Variants in ARHGEF28 observed in about 807,000 individuals in gnomAD.
The protein encoded by ARHGEF28 is 190 kDa guanine nucleotide exchange factor.
Under a neutral mutation model 206.6 loss-of-function variants are expected in ARHGEF28, and 152 were observed. That is an observed-to-expected ratio of 0.74 (90% CI 0.64 to 0.84). ARHGEF28 has a LOEUF of 0.84. Among genes scored for constraint, ARHGEF28 ranks in the 40% least tolerant of loss-of-function variants. ARHGEF28 has a pLI of 0.00. For synonymous variants in ARHGEF28, 763 were observed against 776.4 expected, an observed-to-expected ratio of 0.98 and a Z score of 0.29; for missense variants, 2,028 against 2,073.2, an observed-to-expected ratio of 0.98 and a Z score of 0.42.
rs1266346957 is a variant in ARHGEF28, at chr5:73,776,575, TG to T, written c.720del (p.Leu240PhefsTer10). The T allele has an allele frequency of 6.2e-7, 1 of 1,613,848 alleles. No homozygotes were observed. The highest frequency in any genetic ancestry group is 1.7e-5 in the Admixed American group (1 of 60,004). On this transcript the variant is annotated frameshift_variant, in exon 6 of 36. Coordinates refer to ENST00000513042, the MANE Select transcript of ARHGEF28 (RefSeq NM_001177693.2). LOFTEE classifies it high-confidence loss of function. Reference sequence around the variant, plus strand: ...GTGCAGCTCAGTGAAGAAGCCTCCTTGCATTACATTCACTCATCGGAAACGC... The same window carrying T: ...GTGCAGCTCAGTGAAGAAGCCTCCTTCATTACATTCACTCATCGGAAACGC... ...SRVQLSEEAS[L>X]HYIHSSETLT...
At chr5:73,755,076 G>A (rs1752227639) in intron 4 of ARHGEF28, among the ~76,000 whole-genome samples, 3 of 151,342 alleles carry the variant, frequency 2.0e-5, no homozygotes, top group South Asian at 2.1e-4. Context: ...CAAGGGAATT[G>A]CAATAGTAAT....
At chr5:73,647,360 C>T (rs1424525998) in intron 1 of ARHGEF28, among the ~76,000 whole-genome samples, 1 of 152,130 alleles carries the variant, frequency 6.6e-6, no homozygotes. Flanking sequence ...AATTCAAAAT[C>T]TGAACCACTT....
At chr5:73,669,518 C>T (rs1365893069) in intron 1 of ARHGEF28, among the ~76,000 whole-genome samples, 1 of 152,156 alleles carries the variant, frequency 6.6e-6, no homozygotes, top group Non-Finnish European at 1.5e-5. Flanking sequence ...GACATTGACA[C>T]ATGTTATCAA....
intron 1 of ARHGEF28, among the ~76,000 whole-genome samples, chr5:73,626,756 A>G (rs1032741353): frequency 6.6e-6 from 1 of 152,170 alleles, no homozygotes; most frequent in African/African-American, 2.4e-5. Flanking sequence ...CAGGGCCAGG[A>G]CCGCAGAATG....
At chr5:73,628,989 A>G (rs1580418034) in intron 1 of ARHGEF28, among the ~76,000 whole-genome samples, 1 of 151,220 alleles carries the variant, frequency 6.6e-6, no homozygotes, top group South Asian at 2.1e-4. Flanking sequence ...CATTTTGACA[A>G]TCTCTATTAT....
chr5:73,829,601 C>T (rs1312616693), intron 9 of ARHGEF28, among the ~76,000 whole-genome samples: 2 of 152,004 alleles, frequency 1.3e-5, no homozygotes, highest in African/African-American at 2.4e-5. Flanking sequence ...AGGATGGTCT[C>T]GATCTCCTGA....
chr5:73,894,325 G>A (rs540095317), intron 28 of ARHGEF28, 68 bp from the exon 29 acceptor site: 45 of 1,437,138 alleles, frequency 3.1e-5, no homozygotes, highest in South Asian at 1.2e-4. Flanking sequence ...CATCTTTTTC[G>A]TGGACTTTCA....
At chr5:73,812,748 G>A (rs4703613) in intron 9 of ARHGEF28, among the ~76,000 whole-genome samples, 38,922 of 151,984 alleles carry the variant, frequency 0.26, 5,311 homozygotes, top group African/African-American at 0.35. Flanking sequence ...AGTTTAGATC[G>A]GAGCTATAAA....
In ARHGEF28 at chr5:73,749,893, T is replaced by G. The variant is rs766099846; in HGVS notation, c.90T>G (p.Ala30=). Reference sequence around the variant, plus strand: ...AAAATGTGTATCTTCCTGAAGATGCTGAGTTTTACTTTACTTATGACGGAT... The same window carrying G: ...AAAATGTGTATCTTCCTGAAGATGCGGAGTTTTACTTTACTTATGACGGAT... The part of the protein sequence containing the change: ...FDKNVYLPED[A]EFYFTYDGSH... Residue 30 remains alanine (A), a synonymous_variant, in exon 3 of 36, where the codon GCT becomes GCG. Transcript: ENST00000513042. 3 of 1,613,932 alleles carry G rather than the reference T, an allele frequency of 1.9e-6. No individual in the cohort carries two copies. The East Asian group carries it at 6.7e-5, about 36-fold the overall frequency.
intron 35 of ARHGEF28, among the ~76,000 whole-genome samples, chr5:73,929,581 T>A (rs1489999221): frequency 6.6e-6 from 1 of 152,186 alleles, no homozygotes; most frequent in African/African-American, 2.4e-5. Flanking sequence ...AATATGAAAG[T>A]TTTAATCGTG....
intron 1 of ARHGEF28, among the ~76,000 whole-genome samples, chr5:73,668,011 C>T (rs1260007294): frequency 2.6e-5 from 4 of 152,174 alleles, no homozygotes; most frequent in Non-Finnish European, 5.9e-5. Flanking sequence ...ATTCATATTT[C>T]TACCACATTC....
chr5:73,752,551 G>A (rs1321475210), intron 3 of ARHGEF28, among the ~76,000 whole-genome samples: 1 of 152,128 alleles, frequency 6.6e-6, no homozygotes, highest in Non-Finnish European at 1.5e-5. Context: ...ATGGCAGAGT[G>A]GAAAAGAGCA....
At chr5:73,891,311 G>A (rs549868062) in intron 26 of ARHGEF28, among the ~76,000 whole-genome samples, 1 of 152,052 alleles carries the variant, frequency 6.6e-6, no homozygotes, top group Admixed American at 6.6e-5. Context: ...TCCATGGGCT[G>A]GGCTTCTGAG....
At chr5:73,626,768 A>G (rs1353982116) in intron 1 of ARHGEF28, among the ~76,000 whole-genome samples, 1 of 152,228 alleles carries the variant, frequency 6.6e-6, no homozygotes, top group East Asian at 1.9e-4. Context: ...CGCAGAATGC[A>G]GACGGAACGC....
Position 73,684,826 on chromosome 5 carries a change from T to C in ARHGEF28, c.-11-15T>C. On this transcript the variant is annotated splice_polypyrimidine_tract_variant and intron_variant, in intron 1 of 35. Coordinates refer to ENST00000513042, the MANE Select transcript of ARHGEF28 (RefSeq NM_001177693.2). ...CTCCTGCAATAACTTCTCTTGTTTA[T>C]TATTTTCATTGCAGATGCGAAAGCC... 1 of 1,606,248 alleles carries C rather than the reference T, an allele frequency of 6.2e-7. No homozygotes were observed. The highest frequency in any genetic ancestry group is 1.1e-5 in the South Asian group (1 of 89,032).
At chr5:73,910,495 C>T (rs1028463572) in intron 34 of ARHGEF28, among the ~76,000 whole-genome samples, 86 of 150,610 alleles carry the variant, frequency 5.7e-4, no homozygotes, top group African/African-American at 2.0e-3. Context: ...ATCAAGTTGT[C>T]CTAGAAAGGC....
chr5:73,788,270 G>A (rs1279269975), intron 7 of ARHGEF28, among the ~76,000 whole-genome samples: 1 of 152,188 alleles, frequency 6.6e-6, no homozygotes, highest in East Asian at 1.9e-4. Context: ...GTCTTTGAAA[G>A]ATGACTTGCT....
chr5:73,801,871 A>G (rs1755153638), intron 9 of ARHGEF28, among the ~76,000 whole-genome samples: 1 of 152,108 alleles, frequency 6.6e-6, no homozygotes, highest in South Asian at 2.1e-4. Flanking sequence ...ATAAATTCCA[A>G]CTCAAATTTT....
At chr5:73,706,554 C>T (rs140389336) in intron 2 of ARHGEF28, among the ~76,000 whole-genome samples, 1,880 of 152,216 alleles carry the variant, frequency 0.012, 28 homozygotes, top group African/African-American at 0.038. Flanking sequence ...TTTTTCCTGC[C>T]GATTTCTGGA....
Sources: allele counts gnomAD v4.1 joint callset (sites outside exome capture counted in the v4.1 genomes callset), GRCh38; gene constraint gnomAD v4.1.1; transcripts MANE v1.5; gene names NCBI Gene and HGNC (gene_info 2026-07-23, HGNC 2026-07-21).